BCAS3: variants seen among roughly 807,000 people sequenced by gnomAD.
BCAS3 encodes BCAS4/BCAS3 fusion.
In BCAS3, 53 loss-of-function variants were observed where a neutral mutation model predicts 116.1. The observed-to-expected ratio is 0.46, with a 90% CI of 0.37 to 0.57. The LOEUF is 0.57. Among genes scored for constraint, BCAS3 ranks in the 20% least tolerant of loss-of-function variants. BCAS3 has a pLI of 0.00. For missense variants in BCAS3, 917 were observed against 1,165.4 expected, an observed-to-expected ratio of 0.79 and a Z score of 3.10; for synonymous variants, 391 against 408.2, an observed-to-expected ratio of 0.96 and a Z score of 0.51.
In BCAS3 at chr17:61,048,255, A is replaced by T. The variant is rs536160756; in HGVS notation, c.2029+7363A>T. On this transcript the variant is annotated intron_variant, in intron 19 of 23. Transcript: ENST00000407086. ...CCAACAAGATGGACTAACAGGGGTC[A>T]GTTTTACTTTCCTGCATGTAGCAAC... 6.6e-5 allele frequency among the ~76,000 whole-genome samples: 10 copies of T among 152,184 alleles called. No individual in the cohort carries two copies. The South Asian group carries it at 1.7e-3, about 25-fold the overall frequency.
chr17:60,807,963 T>A, intron 6 of BCAS3, 41 bp from the exon 7 acceptor site: 1 of 1,371,874 alleles, frequency 7.3e-7, no homozygotes, highest in Non-Finnish European at 1.0e-6. Flanking sequence ...TATACAATAA[T>A]ATTCCTCAAA....
Position 61,333,463 on chromosome 17 carries a change from C to T in BCAS3, c.2426-34864C>T, listed in dbSNP as rs898762488. ...GTCTCAGCATCACCAATAGCTCACC[C>T]TCCTGTCCACTCACATTGTGGCGCC... On this transcript the variant is annotated intron_variant, in intron 22 of 23. Transcript: ENST00000407086. The surrounding 1 kb of genome is among the most constrained non-coding windows in gnomAD (Gnocchi z 4.8). Among the ~76,000 whole-genome samples the T allele has an allele frequency of 1.3e-5, 2 of 152,128 alleles. No homozygotes were observed. Among genetic ancestry groups the T allele is most frequent in the Non-Finnish European group, 1.5e-5 (1 of 68,020 alleles).
chr17:60,881,954 C>T (rs978680704), intron 9 of BCAS3, among the ~76,000 whole-genome samples: 1 of 149,602 alleles, frequency 6.7e-6, no homozygotes, highest in African/African-American at 2.5e-5. Context: ...GGGTATATAC[C>T]CAGTAATGGG....
chr17:61,010,960 G>A (rs541412360), intron 15 of BCAS3, among the ~76,000 whole-genome samples: 1 of 152,016 alleles, frequency 6.6e-6, no homozygotes, highest in South Asian at 2.1e-4. Context: ...TCCTCTGTCT[G>A]CTTGTGCCAG....
At chr17:60,803,072 G>A (rs1050802289) in intron 6 of BCAS3, among the ~76,000 whole-genome samples, 12 of 152,192 alleles carry the variant, frequency 7.9e-5, no homozygotes, top group African/African-American at 2.9e-4. Flanking sequence ...ATAAGGTTCT[G>A]GTGCTAGTGT....
intron 21 of BCAS3, among the ~76,000 whole-genome samples, chr17:61,078,919 C>G (rs529018935): frequency 6.6e-6 from 1 of 151,996 alleles, no homozygotes; most frequent in East Asian, 1.9e-4. Context: ...CCTGTATCTC[C>G]CTTCTTTTAG....
At chr17:60,869,096 A>C (rs1490523974) in intron 8 of BCAS3, among the ~76,000 whole-genome samples, 1 of 152,232 alleles carries the variant, frequency 6.6e-6, no homozygotes, top group African/African-American at 2.4e-5. Context: ...ATGTTCCTGA[A>C]CTATAAAAAA....
Position 60,956,574 on chromosome 17 carries a change from G to A in BCAS3, c.1221+9222G>A, listed in dbSNP as rs140806376. ...TTAATTTATCTATAAGTTCAATATG[G>A]AAATAGAAATTTTGCTTAAGCTTCT... On this transcript the variant is annotated intron_variant, in intron 14 of 23. Transcript: ENST00000407086. This position sits in a 1 kb window ranked among gnomAD's most constrained non-coding sequence, Gnocchi z 4.2. 3.1e-3 allele frequency among the ~76,000 whole-genome samples: 476 copies of A among 152,220 alleles called. 2 individuals are homozygous for A. Among genetic ancestry groups the A allele is most frequent in the Non-Finnish European group, 5.5e-3 (375 of 68,012 alleles).
chr17:61,089,886 A>G (rs1025203376), intron 22 of BCAS3, among the ~76,000 whole-genome samples: 1 of 152,078 alleles, frequency 6.6e-6, no homozygotes, highest in African/African-American at 2.4e-5. Context: ...TGCCATTTCA[A>G]TCTGAGGCCT....
chr17:60,792,783 A>T (rs2046888776), intron 6 of BCAS3, among the ~76,000 whole-genome samples: 2 of 152,182 alleles, frequency 1.3e-5, no homozygotes, highest in Non-Finnish European at 2.9e-5. Context: ...CCCTCATCAG[A>T]TGCTCAATAT....
At chr17:60,702,129 CAT>C (rs2036503900) in intron 4 of BCAS3, among the ~76,000 whole-genome samples, 1 of 152,176 alleles carries the variant, frequency 6.6e-6, no homozygotes, top group South Asian at 2.1e-4. Context: ...CATCTGTAAT[CAT>C]GTAAACGTAT....
intron 20 of BCAS3, 82 bp downstream of exon 20, chr17:61,075,102 G>T: frequency 9.4e-7 from 1 of 1,059,528 alleles, no homozygotes; most frequent in Non-Finnish European, 1.4e-6. Context: ...AGAGGTAAAA[G>T]GGGAGAATTG....
chr17:60,715,813 T>TC (rs2038530261), intron 5 of BCAS3, among the ~76,000 whole-genome samples: 1 of 151,976 alleles, frequency 6.6e-6, no homozygotes, highest in Non-Finnish European at 1.5e-5. Flanking sequence ...AAGTTTTTTT[T>TC]CTCCCAGTGT....
chr17:60,897,014 G>A (rs1486889781), intron 10 of BCAS3, among the ~76,000 whole-genome samples: 2 of 152,034 alleles, frequency 1.3e-5, no homozygotes, highest in East Asian at 1.9e-4. Flanking sequence ...GAGTTTCATA[G>A]TTTGGTGTGT....
rs562995595 is a variant in BCAS3, at chr17:61,141,537, G to A, written c.2425+56973G>A. Reference sequence around the variant, plus strand: ...CACACCACAGCACTCCAGCCTGGGCGGCAGAGCGAGACCCTGTCTCAAAAA... The same window carrying A: ...CACACCACAGCACTCCAGCCTGGGCAGCAGAGCGAGACCCTGTCTCAAAAA... On this transcript the variant is annotated intron_variant, in intron 22 of 23. Transcript: ENST00000407086. This position sits in a 1 kb window ranked among gnomAD's most constrained non-coding sequence, Gnocchi z 4.3. Among the ~76,000 whole-genome samples, 3 of 150,822 alleles carry A rather than the reference G, an allele frequency of 2.0e-5. No homozygotes were observed. Among genetic ancestry groups the A allele is most frequent in the South Asian group, 2.1e-4 (1 of 4,734 alleles).
chr17:61,242,861 A>C (rs1450533402), intron 22 of BCAS3, among the ~76,000 whole-genome samples: 2 of 151,568 alleles, frequency 1.3e-5, no homozygotes, highest in South Asian at 4.2e-4. Context: ...AAACAAAAAA[A>C]CCCAAAAAAC....
chr17:61,320,684 A>T (rs1011285859), intron 22 of BCAS3, among the ~76,000 whole-genome samples: 7 of 152,112 alleles, frequency 4.6e-5, no homozygotes, highest in African/African-American at 1.7e-4. Context: ...TCAAAAAAAA[A>T]AAAAAAGAAT....
rs1484691345 is a variant in BCAS3, at chr17:61,130,185, G to A, written c.2425+45621G>A. On this transcript the variant is annotated intron_variant, in intron 22 of 23. Coordinates refer to ENST00000407086, the MANE Select transcript of BCAS3 (RefSeq NM_017679.5). The surrounding 1 kb of genome is among the most constrained non-coding windows in gnomAD (Gnocchi z 5.0). ...ACTTTCACCTTAACTGAGTTTATGT[G>A]ACTAATTTTAAATTTACTGTAAACA... is the stretch of plus-strand genomic sequence containing the variant. Among the ~76,000 whole-genome samples the A allele has an allele frequency of 6.6e-6, 1 of 152,158 alleles. No homozygotes were observed. The highest frequency in any genetic ancestry group is 1.5e-5 in the Non-Finnish European group (1 of 68,018).
chr17:60,924,303 CAT>C, intron 12 of BCAS3, 102 bp from the exon 13 acceptor site: 1 of 889,976 alleles, frequency 1.1e-6, no homozygotes, highest in Non-Finnish European at 1.8e-6. Flanking sequence ...AGAGTGGAAA[CAT>C]GTTATTTGGT....
Sources: gnomAD v4.1 joint callset for allele counts (sites outside exome capture counted in the v4.1 genomes callset) on GRCh38, gnomAD v4.1.1 for gene constraint, Gnocchi (gnomAD v3.1) non-coding constraint, MANE v1.5 for transcripts, NCBI Gene and HGNC (gene_info 2026-07-23, HGNC 2026-07-21) for gene names.